MSI2: variants seen among roughly 807,000 people sequenced by gnomAD.
MSI2 encodes the protein musashi RNA binding protein 2.
MSI2 carries 17 observed loss-of-function variants against 45.6 expected under a neutral mutation model. That is an observed-to-expected ratio of 0.37 (90% CI 0.26 to 0.56). The LOEUF (loss-of-function observed/expected upper bound fraction) is 0.56, where lower values mean the gene tolerates loss of function less well. Ranked by LOEUF, MSI2 falls within the 20% of genes least tolerant of loss-of-function variation. MSI2 has a pLI of 0.77. For missense variants in MSI2, 293 were observed against 444.2 expected, an observed-to-expected ratio of 0.66 and a Z score of 3.06; for synonymous variants, 156 against 158.2, an observed-to-expected ratio of 0.99 and a Z score of 0.11.
At chr17:57,379,623 T>C (rs1041855291) in intron 5 of MSI2, among the ~76,000 whole-genome samples, 3 of 152,190 alleles carry the variant, frequency 2.0e-5, no homozygotes, top group African/African-American at 7.2e-5. Flanking sequence ...TCCTCCCTTT[T>C]ACCTCTCACC....
chr17:57,555,528 A>C (rs1259727983), intron 7 of MSI2, among the ~76,000 whole-genome samples: 4 of 152,086 alleles, frequency 2.6e-5, no homozygotes, highest in Non-Finnish European at 5.9e-5. Context: ...CAACTTTTGC[A>C]CATATTAACC....
intron 6 of MSI2, among the ~76,000 whole-genome samples, chr17:57,495,802 A>AATT (rs2143833123): frequency 6.6e-6 from 1 of 152,288 alleles, no homozygotes; most frequent in East Asian, 1.9e-4. Context: ...CTGAGTGAGG[A>AATT]ATTAATGCTT....
intron 7 of MSI2, among the ~76,000 whole-genome samples, chr17:57,566,608 G>A (rs2087738928): frequency 6.6e-6 from 1 of 152,146 alleles, no homozygotes; most frequent in Non-Finnish European, 1.5e-5. Context: ...ATCATTTCAA[G>A]ACACAGAATA....
chr17:57,305,126 G>A (rs1911772154), intron 5 of MSI2, among the ~76,000 whole-genome samples: 1 of 152,142 alleles, frequency 6.6e-6, no homozygotes, highest in African/African-American at 2.4e-5. Context: ...AGTGATAGGT[G>A]GCCCCAGCCT....
At chr17:57,632,734 T>C (rs1283977808) in intron 10 of MSI2, 7 of 1,065,840 alleles carry the variant, frequency 6.6e-6, no homozygotes, top group Admixed American at 1.1e-4. Context: ...TACCACTCAG[T>C]TGGACCCTCA....
At chr17:57,528,843 T>C (rs1441563910) in intron 6 of MSI2, among the ~76,000 whole-genome samples, 6 of 151,976 alleles carry the variant, frequency 3.9e-5, no homozygotes, top group African/African-American at 1.2e-4. Flanking sequence ...GTCCTGGGGG[T>C]TAGGACTTCA....
At chr17:57,429,784 C>T (rs185360209) in intron 6 of MSI2, among the ~76,000 whole-genome samples, 50 of 152,024 alleles carry the variant, frequency 3.3e-4, no homozygotes, top group South Asian at 1.3e-3. Context: ...GGAGAATTTC[C>T]GGTCTCATCC....
At chr17:57,509,308 G>A (rs1470208793) in intron 6 of MSI2, among the ~76,000 whole-genome samples, 1 of 152,140 alleles carries the variant, frequency 6.6e-6, no homozygotes, top group Non-Finnish European at 1.5e-5. Context: ...GGAGTGAGGG[G>A]GAGAGTGAGG....
At chr17:57,622,528 G>A (rs117536623) in intron 9 of MSI2, among the ~76,000 whole-genome samples, 287 of 152,256 alleles carry the variant, frequency 1.9e-3, no homozygotes, top group Non-Finnish European at 2.5e-3. Flanking sequence ...GCCCAGAAAC[G>A]AAGAGAGGCT....
chr17:57,297,000 G>A (rs1001027063), intron 5 of MSI2, among the ~76,000 whole-genome samples: 1 of 152,020 alleles, frequency 6.6e-6, no homozygotes, highest in African/African-American at 2.4e-5. Flanking sequence ...TCAGCCTCCT[G>A]GGTAGCTGGG....
chr17:57,257,811 A>G (rs532621890), intron 3 of MSI2, among the ~76,000 whole-genome samples: 83 of 151,266 alleles, frequency 5.5e-4, no homozygotes, highest in African/African-American at 1.4e-3. Context: ...GTTTAAAATG[A>G]CATTCAGCTT....
intron 7 of MSI2, among the ~76,000 whole-genome samples, chr17:57,584,547 T>C (rs1156935914): frequency 3.9e-5 from 6 of 152,130 alleles, no homozygotes; most frequent in Non-Finnish European, 8.8e-5. Context: ...TCTGAAACCA[T>C]ACCTCATAAT....
intron 10 of MSI2, among the ~76,000 whole-genome samples, chr17:57,635,815 A>C (rs1165046952): frequency 6.6e-6 from 1 of 152,260 alleles, no homozygotes; most frequent in Non-Finnish European, 1.5e-5. Context: ...CACTGGCTTC[A>C]GAATGATGTT....
chr17:57,529,647 G>T lies in MSI2; in HGVS notation c.406-29G>T. 1 of 1,609,010 alleles carries T rather than the reference G, an allele frequency of 6.2e-7. No individual in the cohort carries two copies. Among genetic ancestry groups the T allele is most frequent in the Non-Finnish European group, 8.5e-7 (1 of 1,177,364 alleles). Reference sequence around the variant, plus strand: ...TGTGTACTTTCTTAAAATTCCTAAGGCAGCCTGTATTCTATATTTGTTTTG... The same window carrying T: ...TGTGTACTTTCTTAAAATTCCTAAGTCAGCCTGTATTCTATATTTGTTTTG... On this transcript the variant is annotated intron_variant, in intron 6 of 13. Coordinates refer to ENST00000284073, the MANE Select transcript of MSI2 (RefSeq NM_138962.4). The surrounding 1 kb of genome is among the most constrained non-coding windows in gnomAD (Gnocchi z 5.3).
intron 6 of MSI2, among the ~76,000 whole-genome samples, chr17:57,501,588 G>A (rs757577624): frequency 3.5e-4 from 53 of 152,192 alleles, no homozygotes; most frequent in Non-Finnish European, 6.5e-4. Flanking sequence ...TTTCCAAGTC[G>A]TCTCTCTCAG....
chr17:57,482,670 C>T (rs186553385), intron 6 of MSI2, among the ~76,000 whole-genome samples: 247 of 152,136 alleles, frequency 1.6e-3, no homozygotes, highest in Non-Finnish European at 1.7e-3. Flanking sequence ...TGGGGTGGTC[C>T]CTTCCTTCTT....
intron 9 of MSI2, among the ~76,000 whole-genome samples, chr17:57,623,116 G>A (rs1908469437): frequency 6.6e-6 from 1 of 152,214 alleles, no homozygotes; most frequent in Non-Finnish European, 1.5e-5. Context: ...TGGGGGCAAA[G>A]CATCTTTGTA....
chr17:57,323,405 G>A (rs533076413), intron 5 of MSI2, among the ~76,000 whole-genome samples: 2 of 152,214 alleles, frequency 1.3e-5, no homozygotes, highest in Non-Finnish European at 2.9e-5. Context: ...CTCCCAAGTC[G>A]GACTGAGCTC....
In MSI2 at chr17:57,472,608, C is replaced by A. The variant is rs114619670; in HGVS notation, c.406-57068C>A. Among the ~76,000 whole-genome samples the A allele has an allele frequency of 2.1e-3, 320 of 152,328 alleles. 1 individual carries two copies. Among genetic ancestry groups the A allele is most frequent in the African/African-American group, 7.6e-3 (314 of 41,562 alleles). ...TGCCAACTGGCCTCATGACCTTGAG[C>A]AAGCCCCTTAATGTTTCTGAGCTTT... On this transcript the variant is annotated intron_variant, in intron 6 of 13. Transcript: ENST00000284073.
Sources: gnomAD v4.1 joint callset for allele counts (sites outside exome capture counted in the v4.1 genomes callset) on GRCh38, gnomAD v4.1.1 for gene constraint, Gnocchi (gnomAD v3.1) non-coding constraint, MANE v1.5 for transcripts, NCBI Gene and HGNC (gene_info 2026-07-23, HGNC 2026-07-21) for gene names.